Variants in FBXO31 observed in about 807,000 individuals in gnomAD.
The protein encoded by FBXO31 is F-box protein 31.
In FBXO31, 24 loss-of-function variants were observed where a neutral mutation model predicts 54.4. The ratio of observed to expected loss-of-function variants is 0.44; its 90% CI spans 0.32 to 0.62. The LOEUF (loss-of-function observed/expected upper bound fraction) is 0.62, where lower values mean the gene tolerates loss of function less well. Ranked by LOEUF, FBXO31 falls within the 20% of genes least tolerant of loss-of-function variation. FBXO31 has a pLI of 0.05. For synonymous variants in FBXO31, 388 were observed against 335.6 expected (o/e 1.16, Z -1.71); for missense variants, 665 against 787.1 (o/e 0.84, Z 1.86).
intron 5 of FBXO31, 23 bp downstream of exon 5, chr16:87,342,854 A>G (rs1905235660): frequency 6.3e-7 from 1 of 1,584,186 alleles, no homozygotes; most frequent in Non-Finnish European, 8.6e-7. Flanking sequence ...CCATATGAAC[A>G]CAGGGCCGGC....
intron 2 of FBXO31, among the ~76,000 whole-genome samples, chr16:87,348,441 T>C (rs1361855128): frequency 6.6e-6 from 1 of 152,160 alleles, no homozygotes; most frequent in Non-Finnish European, 1.5e-5. Flanking sequence ...GGGGAGAAGG[T>C]GGCACCCAGT....
rs57731385 is a variant in FBXO31 at position 87,336,439 on chromosome 16, G to A, written c.733-175C>T. 9.1e-3 allele frequency among the ~76,000 whole-genome samples: 1,391 copies of A among 152,268 alleles called. 25 individuals are homozygous for A. Among genetic ancestry groups the A allele is most frequent in the African/African-American group, 0.032 (1,334 of 41,534 alleles). ...GCTGGGAAGAGAAAGGGGAGCTGCC[G>A]GATTTGACCCCACGTCAGAGGTGCC... On this transcript the variant is annotated intron_variant, in intron 5 of 8. Transcript: ENST00000311635. This position sits in a 1 kb window ranked among gnomAD's most constrained non-coding sequence, Gnocchi z 6.5.
chr16:87,380,664 G>T (rs1273381673), intron 1 of FBXO31, among the ~76,000 whole-genome samples: 1 of 152,162 alleles, frequency 6.6e-6, no homozygotes, highest in African/African-American at 2.4e-5. Flanking sequence ...TGTTTTTAAT[G>T]TCTCAAAATG....
chr16:87,375,247 C>T (rs1411157218), intron 1 of FBXO31, among the ~76,000 whole-genome samples: 3 of 152,012 alleles, frequency 2.0e-5, no homozygotes, highest in Non-Finnish European at 2.9e-5. Context: ...GCAGAGCTTG[C>T]AGTGAGCCAA....
Position 87,358,650 on chromosome 16 carries a change from G to C in FBXO31, c.412+1645C>G, listed in dbSNP as rs1056208066. Among the ~76,000 whole-genome samples, 1 of 152,186 alleles carries C rather than the reference G, an allele frequency of 6.6e-6. No individual in the cohort carries two copies. The highest frequency in any genetic ancestry group is 1.5e-5 in the Non-Finnish European group (1 of 68,032). On this transcript the variant is annotated intron_variant, in intron 2 of 8. Coordinates refer to ENST00000311635, the MANE Select transcript of FBXO31 (RefSeq NM_024735.5). This position sits in a 1 kb window ranked among gnomAD's most constrained non-coding sequence, Gnocchi z 4.0. Reference sequence around the variant, plus strand: ...CCAGGACACAGAGAGGTGGCTCTGAGAAACCTGCTGGAGAGAACAACACTG... The same window carrying C: ...CCAGGACACAGAGAGGTGGCTCTGACAAACCTGCTGGAGAGAACAACACTG...
rs115819990 is a variant in FBXO31, at chr16:87,340,898, T to A, written c.732+1979A>T. On this transcript the variant is annotated intron_variant, in intron 5 of 8. Coordinates refer to ENST00000311635, the MANE Select transcript of FBXO31 (RefSeq NM_024735.5). ...TAAGAAAAAAACCTGGCAACTCCTA[T>A]CTGGAAGGGCTTCGATTTCCTAATA... 7.4e-3 allele frequency among the ~76,000 whole-genome samples: 1,129 copies of A among 152,200 alleles called. 14 individuals are homozygous for A. The highest frequency in any genetic ancestry group is 0.026 in the African/African-American group (1,087 of 41,526).
upstream of FBXO31, among the ~76,000 whole-genome samples, chr16:87,385,795 G>A (rs1907308508): frequency 1.3e-5 from 2 of 152,174 alleles, no homozygotes; most frequent in Non-Finnish European, 2.9e-5. Context: ...GATCACCTGA[G>A]GTTGGGAGTT....
At chr16:87,364,187 G>C (rs1315569868) in intron 1 of FBXO31, among the ~76,000 whole-genome samples, 1 of 152,244 alleles carries the variant, frequency 6.6e-6, no homozygotes, top group East Asian at 1.9e-4. Flanking sequence ...TGCAGACAAA[G>C]TGCGGCAACA....
upstream of FBXO31, among the ~76,000 whole-genome samples, chr16:87,385,561 G>C (rs917880277): frequency 6.6e-6 from 1 of 152,134 alleles, no homozygotes; most frequent in African/African-American, 2.4e-5. Context: ...ATTATAAATT[G>C]TAATGCTCTA....
In FBXO31 at chr16:87,329,136, T is replaced by C. The variant is rs979925469; in HGVS notation, c.*2152A>G. Reference sequence around the variant, plus strand: ...GACCTGTAGTCACGACTGAAGGGACTGGCTGTGCGGCCAAAAAGGCCTCCC... The same window carrying C: ...GACCTGTAGTCACGACTGAAGGGACCGGCTGTGCGGCCAAAAAGGCCTCCC... On this transcript the variant is annotated 3_prime_UTR_variant, in exon 9 of 9. Transcript: ENST00000311635. The C allele has an allele frequency of 6.6e-6, 1 of 152,426 alleles. No individual in the cohort carries two copies. The highest frequency in any genetic ancestry group is 6.5e-5 in the Admixed American group (1 of 15,290). 9.4% of individuals were successfully genotyped at this position (152,426 alleles called of 1,614,324 possible).
chr16:87,334,326 GC>G (rs749557192), intron 7 of FBXO31, 40 bp from the exon 8 acceptor site: 1 of 1,522,612 alleles, frequency 6.6e-7, no homozygotes, highest in Admixed American at 2.0e-5. Context: ...CAGGCCAGCA[GC>G]AGCAGCAGTA....
chr16:87,356,995 C>T (rs1296244538), intron 2 of FBXO31, among the ~76,000 whole-genome samples: 1 of 152,114 alleles, frequency 6.6e-6, no homozygotes, highest in East Asian at 1.9e-4. Flanking sequence ...CCTGCAATCC[C>T]AACACTTTGA....
chr16:87,347,648 C>T (rs2150677268), intron 2 of FBXO31, among the ~76,000 whole-genome samples: 1 of 148,360 alleles, frequency 6.7e-6, no homozygotes, highest in South Asian at 2.2e-4. Flanking sequence ...CAACTGCACT[C>T]CAGCCCGGGC....
chr16:87,361,296 A>C (rs879414957), intron 1 of FBXO31, among the ~76,000 whole-genome samples: 8 of 152,158 alleles, frequency 5.3e-5, no homozygotes, highest in African/African-American at 1.4e-4. Context: ...AGGTGACATG[A>C]CTCCACAAAG....
intron 7 of FBXO31, among the ~76,000 whole-genome samples, chr16:87,334,965 G>A (rs1904997521): frequency 1.3e-5 from 2 of 152,216 alleles, no homozygotes; most frequent in African/African-American, 4.8e-5. Context: ...CCTTTCCCAG[G>A]CTGTCCCCAG....
intron 7 of FBXO31, among the ~76,000 whole-genome samples, chr16:87,334,549 G>C (rs1415401806): frequency 6.6e-6 from 1 of 152,240 alleles, no homozygotes; most frequent in Non-Finnish European, 1.5e-5. Flanking sequence ...CCAGAGCTGG[G>C]CAGCAGCCCA....
In FBXO31 at chr16:87,358,025, A is replaced by G. The variant is rs1275321916; in HGVS notation, c.412+2270T>C. Among the ~76,000 whole-genome samples, 1 of 152,192 alleles carries G rather than the reference A, an allele frequency of 6.6e-6. No homozygotes were observed. Among genetic ancestry groups the G allele is most frequent in the Non-Finnish European group, 1.5e-5 (1 of 68,040 alleles). On this transcript the variant is annotated intron_variant, in intron 2 of 8. Transcript: ENST00000311635. The surrounding 1 kb of genome is among the most constrained non-coding windows in gnomAD (Gnocchi z 4.0). ...TATTAAAATGTGATTAAAACTAATA[A>G]AGGTCAGAAGTCAAATATTCATATT...
chr16:87,360,397 G>C (rs1288049490), intron 1 of FBXO31, 31 bp from the exon 2 acceptor site: 1 of 1,605,378 alleles, frequency 6.2e-7, no homozygotes, highest in African/African-American at 1.3e-5. Context: ...AGAAATTTAA[G>C]ATCAACAACT....
At chr16:87,379,845 C>T (rs1906996508) in intron 1 of FBXO31, among the ~76,000 whole-genome samples, 1 of 151,658 alleles carries the variant, frequency 6.6e-6, no homozygotes. Context: ...GCCTTGGCCT[C>T]CCAAAGTGCT....
Sources: allele counts gnomAD v4.1 joint callset (sites outside exome capture counted in the v4.1 genomes callset), GRCh38; gene constraint gnomAD v4.1.1; non-coding constraint Gnocchi (gnomAD v3.1); transcripts MANE v1.5; gene names NCBI Gene and HGNC (gene_info 2026-07-23, HGNC 2026-07-21).